Variants in SESTD1 observed in about 807,000 individuals in gnomAD.
The protein encoded by SESTD1 is SEC14 and spectrin domain containing 1, also known as SEC14 domain and spectrin repeat-containing protein 1.
SESTD1 carries 43 observed loss-of-function variants against 101.7 expected under a neutral mutation model. The observed-to-expected ratio is 0.42, with a 90% CI of 0.33 to 0.55. The LOEUF is 0.55. Among genes scored for constraint, SESTD1 ranks in the 20% least tolerant of loss-of-function variants. SESTD1 has a pLI of 0.07. For missense variants in SESTD1, 647 were observed against 815.1 expected (o/e 0.79, Z 2.51); for synonymous variants, 283 against 286.8 (o/e 0.99, Z 0.13).
In SESTD1 at chr2:179,214,679, A is replaced by C. The variant is rs112421352; in HGVS notation, c.-25-22813T>G. ...GAACTCTCCATCCCAAATCAACAGAACACACATTCTTCTCAGCACCACATC... is the reference window on the plus strand; with the variant it reads ...GAACTCTCCATCCCAAATCAACAGACCACACATTCTTCTCAGCACCACATC... On this transcript the variant is annotated intron_variant, in intron 1 of 17. Transcript: ENST00000428443. 1.1e-4 allele frequency among the ~76,000 whole-genome samples: 15 copies of C among 135,508 alleles called. 4 individuals are homozygous for C. The highest frequency in any genetic ancestry group is 4.4e-4 in the African/African-American group (15 of 34,338). The allele number at this position is 135,508 out of a possible 152,430, so 88.9% of individuals were successfully genotyped here. A position where few individuals can be genotyped will look rare whatever the true frequency, so the allele number is the denominator to read the frequency against.
intron 3 of SESTD1, among the ~76,000 whole-genome samples, chr2:179,180,359 A>G (rs1016836743): frequency 1.3e-5 from 2 of 152,180 alleles, no homozygotes; most frequent in African/African-American, 4.8e-5. Flanking sequence ...GACATCTCCT[A>G]TTAGGAAGAG....
intron 8 of SESTD1, among the ~76,000 whole-genome samples, chr2:179,144,677 AT>A (rs1395315962): frequency 6.6e-6 from 1 of 152,110 alleles, no homozygotes; most frequent in East Asian, 1.9e-4. Flanking sequence ...GGCTTTCAAT[AT>A]ATAGCAACTG....
intron 13 of SESTD1, among the ~76,000 whole-genome samples, chr2:179,121,474 G>GT (rs1323399377): frequency 6.6e-6 from 1 of 151,804 alleles, no homozygotes; most frequent in South Asian, 2.1e-4. Context: ...TCTTCAGTAA[G>GT]TTTTTTTTAA....
intron 1 of SESTD1, among the ~76,000 whole-genome samples, chr2:179,255,473 T>G (rs1201245276): frequency 6.6e-6 from 1 of 152,224 alleles, no homozygotes; most frequent in Non-Finnish European, 1.5e-5. Context: ...AGCCATAACA[T>G]TCCCTTAAGC....
At chr2:179,182,297 C>T (rs1432340983) in intron 3 of SESTD1, among the ~76,000 whole-genome samples, 1 of 152,036 alleles carries the variant, frequency 6.6e-6, no homozygotes, top group African/African-American at 2.4e-5. Context: ...CCCTCATTTA[C>T]ATGCTTAATT....
intron 1 of SESTD1, among the ~76,000 whole-genome samples, chr2:179,260,539 G>C (rs558876184): frequency 1.6e-4 from 24 of 152,042 alleles, no homozygotes; most frequent in Middle Eastern, 3.4e-3. Context: ...AAATTAGAAA[G>C]GTCATCTCAG....
intron 5 of SESTD1, among the ~76,000 whole-genome samples, chr2:179,166,839 T>C (rs2045843730): frequency 6.6e-6 from 1 of 152,102 alleles, no homozygotes; most frequent in Non-Finnish European, 1.5e-5. Flanking sequence ...AGGAAAATAA[T>C]AGCAACAACA....
At chr2:179,136,558 A>C (rs1404485222) in intron 9 of SESTD1, among the ~76,000 whole-genome samples, 1 of 152,224 alleles carries the variant, frequency 6.6e-6, no homozygotes, top group African/African-American at 2.4e-5. Context: ...CAGATATAGA[A>C]ACATAGTGAT....
At chr2:179,142,183 C>CTAT (rs1280603715) in intron 9 of SESTD1, among the ~76,000 whole-genome samples, 1 of 152,160 alleles carries the variant, frequency 6.6e-6, no homozygotes, top group East Asian at 1.9e-4. Flanking sequence ...TGCTCTTGTA[C>CTAT]TATAATGGAA....
intron 1 of SESTD1, among the ~76,000 whole-genome samples, chr2:179,198,825 T>C (rs1267506022): frequency 6.6e-6 from 1 of 151,892 alleles, no homozygotes; most frequent in African/African-American, 2.4e-5. Context: ...GGGAAATTTA[T>C]AGCACTAAAT....
At chr2:179,216,195 T>G (rs2046717300) in intron 1 of SESTD1, among the ~76,000 whole-genome samples, 1 of 134,828 alleles carries the variant, frequency 7.4e-6, no homozygotes, top group Admixed American at 7.2e-5. Flanking sequence ...GGAAGTCAAA[T>G]TGCCCCTGTC....
intron 5 of SESTD1, among the ~76,000 whole-genome samples, chr2:179,168,705 C>G (rs979850903): frequency 1.3e-5 from 2 of 151,990 alleles, no homozygotes; most frequent in East Asian, 3.8e-4. Flanking sequence ...CAAAAAGAAA[C>G]GAAGAATGCC....
rs1490478447 is a variant in SESTD1, at chr2:179,102,346, C to CA, written c.*7552dup. The CA allele has an allele frequency of 3.3e-5, 5 of 151,976 alleles. No homozygotes were observed. The highest frequency in any genetic ancestry group is 4.8e-5 in the African/African-American group (2 of 41,370). 9.4% of individuals were successfully genotyped at this position (151,976 alleles called of 1,614,324 possible). ...CTGTTAGAAACAATTTAAACCTTTACAAAAAATAACTCAAATTGATTCAAA... is the reference window on the plus strand; with the variant it reads ...CTGTTAGAAACAATTTAAACCTTTACAAAAAAATAACTCAAATTGATTCAAA... On this transcript the variant is annotated 3_prime_UTR_variant, in exon 18 of 18. Coordinates refer to ENST00000428443, the MANE Select transcript of SESTD1 (RefSeq NM_178123.5).
chr2:179,178,164 T>C (rs2046044450), intron 3 of SESTD1, among the ~76,000 whole-genome samples: 2 of 152,188 alleles, frequency 1.3e-5, no homozygotes. Context: ...CACCGAATTG[T>C]CTACTTTAAA....
At chr2:179,171,996 T>C (rs2045937414) in intron 5 of SESTD1, 124 bp downstream of exon 5, 1 of 524,392 alleles carries the variant, frequency 1.9e-6, no homozygotes, top group Non-Finnish European at 3.4e-6. Flanking sequence ...TAATTATTAC[T>C]TAGGCACTAA....
chr2:179,121,973 C>G lies in SESTD1; in HGVS notation c.1283-44G>C, dbSNP rs567262555. 48 of 1,542,368 alleles carry G rather than the reference C, an allele frequency of 3.1e-5. No homozygotes were observed. The South Asian group carries it at 5.8e-4, about 19-fold the overall frequency. ...GATTTAATCTCTTACACAACTAAGG[C>G]GCTTTCCCTCCCTCAAACAAATCGT... On this transcript the variant is annotated intron_variant, in intron 12 of 17. Coordinates refer to ENST00000428443, the MANE Select transcript of SESTD1 (RefSeq NM_178123.5).
intron 10 of SESTD1, among the ~76,000 whole-genome samples, chr2:179,130,778 A>G (rs1408168470): frequency 6.6e-6 from 1 of 152,068 alleles, no homozygotes; most frequent in Non-Finnish European, 1.5e-5. Context: ...TAGGAACTAA[A>G]GAGAGGAACA....
At chr2:179,250,147 A>T (rs1012430230) in intron 1 of SESTD1, among the ~76,000 whole-genome samples, 4 of 152,186 alleles carry the variant, frequency 2.6e-5, no homozygotes, top group African/African-American at 9.7e-5. Flanking sequence ...AGTTTCTAGA[A>T]TACATAGAGA....
intron 3 of SESTD1, among the ~76,000 whole-genome samples, chr2:179,181,716 A>C (rs1302569621): frequency 6.6e-6 from 1 of 152,108 alleles, no homozygotes; most frequent in Non-Finnish European, 1.5e-5. Flanking sequence ...CTCAGATGGC[A>C]CTTGACATAT....
Sources: allele counts gnomAD v4.1 joint callset (sites outside exome capture counted in the v4.1 genomes callset), GRCh38; gene constraint gnomAD v4.1.1; transcripts MANE v1.5; gene names NCBI Gene and HGNC (gene_info 2026-07-23, HGNC 2026-07-21).